The following LRRTM4 variants were observed in gnomAD, a reference collection of about 807,000 sequenced individuals.
LRRTM4 encodes the protein leucine-rich repeat transmembrane neuronal protein 4.
Under a neutral mutation model 47.6 loss-of-function variants are expected in LRRTM4, and 25 were observed. The observed-to-expected ratio is 0.53, with a 90% CI of 0.38 to 0.73. LRRTM4 has a LOEUF of 0.73. Ranked by LOEUF, LRRTM4 falls within the 30% of genes least tolerant of loss-of-function variation. LRRTM4 has a pLI of 0.00. For missense variants in LRRTM4, 638 were observed against 713.4 expected, an observed-to-expected ratio of 0.89 and a Z score of 1.20; for synonymous variants, 311 against 269.5, an observed-to-expected ratio of 1.15 and a Z score of -1.51.
chr2:76,888,648 T>A (rs963807441), intron 3 of LRRTM4, among the ~76,000 whole-genome samples: 2 of 151,782 alleles, frequency 1.3e-5, no homozygotes, highest in Non-Finnish European at 3.0e-5. Context: ...TATTCAAAAT[T>A]TATTTTAATT....
At chr2:77,173,204 G>C (rs1215892502) in intron 3 of LRRTM4, among the ~76,000 whole-genome samples, 1 of 152,184 alleles carries the variant, frequency 6.6e-6, no homozygotes, top group East Asian at 1.9e-4. Context: ...ATCTGAAATT[G>C]AATTCGGCCA....
intron 3 of LRRTM4, among the ~76,000 whole-genome samples, chr2:77,223,420 T>A (rs1431135698): frequency 6.6e-6 from 1 of 152,166 alleles, no homozygotes; most frequent in African/African-American, 2.4e-5. Context: ...AGTCAAATTG[T>A]CCCTGTTTGC....
intron 3 of LRRTM4, among the ~76,000 whole-genome samples, chr2:77,169,793 G>T (rs1468081066): frequency 6.6e-6 from 1 of 152,060 alleles, no homozygotes; most frequent in African/African-American, 2.4e-5. Flanking sequence ...CCCAGTCTGT[G>T]GTAATCTGTT....
intron 3 of LRRTM4, among the ~76,000 whole-genome samples, chr2:77,217,530 G>C (rs950242046): frequency 1.4e-5 from 2 of 144,514 alleles, no homozygotes; most frequent in Non-Finnish European, 3.0e-5. Context: ...GTAGAACTGG[G>C]TTCAGATTAC....
chr2:77,482,389 A>G lies in LRRTM4; in HGVS notation c.1551+35929T>C, dbSNP rs556883155. ...AGAAATAAAAAAAGAAATGTAAATTACCATAAAATAATGCATTTTGAACAC... is the reference window on the plus strand; with the variant it reads ...AGAAATAAAAAAAGAAATGTAAATTGCCATAAAATAATGCATTTTGAACAC... On this transcript the variant is annotated intron_variant, in intron 3 of 3. Transcript: ENST00000409884. Among the ~76,000 whole-genome samples, 97 of 152,290 alleles carry G rather than the reference A, an allele frequency of 6.4e-4. 1 individual carries two copies. The highest frequency in any genetic ancestry group is 2.0e-3 in the African/African-American group (85 of 41,578).
At chr2:77,359,941 C>T (rs112836557) in intron 3 of LRRTM4, among the ~76,000 whole-genome samples, 129 of 152,092 alleles carry the variant, frequency 8.5e-4, no homozygotes, top group African/African-American at 3.0e-3. Flanking sequence ...ATTAATGATA[C>T]CAAAATTTTT....
rs143656973 is a variant in LRRTM4, at chr2:77,327,158, ATTAT to A, written c.1551+191156_1551+191159del. On this transcript the variant is annotated intron_variant, in intron 3 of 3. Transcript: ENST00000409884. Reference sequence around the variant, plus strand: ...GGGCAAAAGGATAGCGGTCAAGCTAATTATTTATATTAAGCTACTTATACCTATT... The same window carrying A: ...GGGCAAAAGGATAGCGGTCAAGCTAATTATATTAAGCTACTTATACCTATT... Among the ~76,000 whole-genome samples the A allele has an allele frequency of 2.8e-3, 420 of 152,342 alleles. 3 individuals carry two copies. The highest frequency in any genetic ancestry group is 9.6e-3 in the African/African-American group (400 of 41,590).
chr2:77,079,220 C>T (rs1474972444), intron 3 of LRRTM4, among the ~76,000 whole-genome samples: 2 of 152,176 alleles, frequency 1.3e-5, no homozygotes, highest in Non-Finnish European at 2.9e-5. Context: ...GACTATTTAA[C>T]ATTTCAACTT....
chr2:77,123,628 T>C (rs1671576069), intron 3 of LRRTM4, among the ~76,000 whole-genome samples: 1 of 152,098 alleles, frequency 6.6e-6, no homozygotes, highest in African/African-American at 2.4e-5. Context: ...GACATTTTAA[T>C]AAAAAGGAGG....
intron 3 of LRRTM4, among the ~76,000 whole-genome samples, chr2:77,377,478 C>G (rs1223692801): frequency 6.6e-6 from 1 of 151,814 alleles, no homozygotes; most frequent in East Asian, 1.9e-4. Context: ...CTTTCTAATT[C>G]TTACATCTTT....
intron 3 of LRRTM4, among the ~76,000 whole-genome samples, chr2:76,994,258 T>C (rs1419685041): frequency 6.6e-6 from 1 of 151,472 alleles, no homozygotes; most frequent in East Asian, 2.0e-4. Flanking sequence ...TCCCCTTGAA[T>C]CTAAAGCAGA....
At chr2:77,230,434 A>G (rs932218489) in intron 3 of LRRTM4, among the ~76,000 whole-genome samples, 10 of 152,152 alleles carry the variant, frequency 6.6e-5, no homozygotes, top group South Asian at 2.1e-4. Context: ...TTCCAAAGGC[A>G]TAAATAATTT....
chr2:76,823,374 C>A (rs1671105407), intron 3 of LRRTM4, among the ~76,000 whole-genome samples: 1 of 151,432 alleles, frequency 6.6e-6, no homozygotes, highest in South Asian at 2.1e-4. Context: ...TGAACACATA[C>A]AATGAGACAA....
At chr2:76,934,218 C>T (rs958051416) in intron 3 of LRRTM4, among the ~76,000 whole-genome samples, 24 of 151,998 alleles carry the variant, frequency 1.6e-4, no homozygotes, top group African/African-American at 4.8e-4. Context: ...ATGTTGAATA[C>T]GATAATAAAA....
rs1469466471 is a variant in LRRTM4, at chr2:77,075,696, A to AT, written c.1552-326781_1552-326780insA. On this transcript the variant is annotated intron_variant, in intron 3 of 3. Transcript: ENST00000409884. ...TTTGGGAGGCCGAGGCGGGCAGATC[A>AT]CGAGGTCAGGAGATCGAGACCATCC... 1.5e-3 allele frequency among the ~76,000 whole-genome samples: 220 copies of AT among 151,594 alleles called. 1 individual carries two copies. Among genetic ancestry groups the AT allele is most frequent in the African/African-American group, 5.1e-3 (211 of 41,216 alleles).
intron 3 of LRRTM4, among the ~76,000 whole-genome samples, chr2:77,383,993 G>T (rs922829363): frequency 6.6e-6 from 1 of 152,080 alleles, no homozygotes; most frequent in Admixed American, 6.6e-5. Context: ...ATAAATGCAT[G>T]ACAGATACAT....
chr2:76,815,545 G>A (rs1670874530), intron 3 of LRRTM4, among the ~76,000 whole-genome samples: 1 of 152,056 alleles, frequency 6.6e-6, no homozygotes, highest in Admixed American at 6.6e-5. Context: ...GACAAATAGT[G>A]CTATGCAAAG....
At chr2:77,195,860 A>G (rs2103888610) in intron 3 of LRRTM4, among the ~76,000 whole-genome samples, 1 of 152,198 alleles carries the variant, frequency 6.6e-6, no homozygotes, top group East Asian at 1.9e-4. Context: ...CAAGGTTCAA[A>G]CAAGGGTGTG....
chr2:77,044,999 A>C (rs1242746625), intron 3 of LRRTM4, among the ~76,000 whole-genome samples: 3 of 151,800 alleles, frequency 2.0e-5, no homozygotes, highest in Non-Finnish European at 4.4e-5. Flanking sequence ...AGTTATGATC[A>C]TGATTGGTTA....
Sources: allele counts gnomAD v4.1 joint callset (sites outside exome capture counted in the v4.1 genomes callset), GRCh38; gene constraint gnomAD v4.1.1; transcripts MANE v1.5; gene names NCBI Gene and HGNC (gene_info 2026-07-23, HGNC 2026-07-21).